Variants in COPE observed in about 807,000 individuals in gnomAD.
The protein encoded by COPE is coat protein complex I subunit epsilon, also known as coatomer subunit epsilon.
COPE carries 19 observed loss-of-function variants against 42.1 expected under a neutral mutation model. The observed-to-expected ratio is 0.45, with a 90% CI of 0.31 to 0.66. COPE has a LOEUF of 0.66. COPE is among the 30% of genes least tolerant of loss of function. The probability of loss-of-function intolerance (pLI) is 0.05; values close to 1 mark genes in which losing one functional copy is unlikely to be tolerated. For synonymous variants in COPE, 195 were observed against 181.3 expected (o/e 1.08, Z -0.60); for missense variants, 402 against 416.1 (o/e 0.97, Z 0.30).
chr19:18,908,556 G>A (rs1156283772), intron 3 of COPE, among the ~76,000 whole-genome samples: 2 of 140,966 alleles, frequency 1.4e-5, no homozygotes, highest in Non-Finnish European at 3.0e-5. Context: ...TCGCACTTTC[G>A]CCCAGGCTGG....
intron 7 of COPE, among the ~76,000 whole-genome samples, chr19:18,902,797 G>A (rs375412052): frequency 1.0e-4 from 3 of 29,106 alleles, no homozygotes; most frequent in African/African-American, 2.8e-4. Flanking sequence ...AGGAAGGAAG[G>A]AAGGAAGGAA....
chr19:18,905,417 A>G (rs974846692), intron 5 of COPE, among the ~76,000 whole-genome samples, 159 bp downstream of exon 5: 1 of 152,090 alleles, frequency 6.6e-6, no homozygotes, highest in Admixed American at 6.5e-5. Context: ...CCCTGGCAAC[A>G]TACTGCAGGG....
chr19:18,912,764 A>C (rs117605534), intron 2 of COPE, among the ~76,000 whole-genome samples: 1 of 149,606 alleles, frequency 6.7e-6, no homozygotes, highest in Non-Finnish European at 1.5e-5. Flanking sequence ...AAAATCAAGA[A>C]GCTGTGACCC....
At chr19:18,918,519 A>T (rs1425306429) in intron 1 of COPE, among the ~76,000 whole-genome samples, 1 of 151,920 alleles carries the variant, frequency 6.6e-6, no homozygotes. Flanking sequence ...GTTCACTGCA[A>T]CCTCGGCCTC....
chr19:18,899,597 G>T lies in COPE; in HGVS notation c.*82C>A. On this transcript the variant is annotated 3_prime_UTR_variant, in exon 10 of 10. Coordinates refer to ENST00000262812, the MANE Select transcript of COPE (RefSeq NM_007263.4). ...GCTCCTGCCCCCAGAGGGGATGCAG[G>T]TGGATGCCGGGTGGGGAGGGCTGCA... 1 of 1,496,150 alleles carries T rather than the reference G, an allele frequency of 6.7e-7. No homozygotes were observed. Among genetic ancestry groups the T allele is most frequent in the South Asian group, 1.1e-5 (1 of 87,902 alleles). The allele number at this position is 1,496,150 out of a possible 1,614,324, so 92.7% of individuals were successfully genotyped here.
intron 3 of COPE, among the ~76,000 whole-genome samples, chr19:18,910,396 G>A (rs1404942531): frequency 6.6e-6 from 1 of 152,164 alleles, no homozygotes; most frequent in Non-Finnish European, 1.5e-5. Context: ...GACCACCCTG[G>A]GCAACACGGT....
At chr19:18,911,183 T>G (rs1601228323) in intron 2 of COPE, 112 bp from the exon 3 acceptor site, 6 of 928,062 alleles carry the variant, frequency 6.5e-6, no homozygotes, top group Non-Finnish European at 5.3e-6. Flanking sequence ...CAGGGACCCC[T>G]CAGCCCAGCA....
intron 2 of COPE, among the ~76,000 whole-genome samples, chr19:18,912,461 G>GAA (rs57706060): frequency 2.3e-4 from 32 of 141,450 alleles, no homozygotes; most frequent in African/African-American, 4.3e-4. Flanking sequence ...ATTATTTTAG[G>GAA]AAAAAAAAAA....
At chr19:18,900,329 G>A in intron 8 of COPE, 52 bp downstream of exon 8, 1 of 1,439,018 alleles carries the variant, frequency 6.9e-7, no homozygotes, top group Non-Finnish European at 9.4e-7. Flanking sequence ...CCCAGGCTGG[G>A]GTCCCAGGGT....
chr19:18,915,305 G>A (rs1301288380), intron 1 of COPE, among the ~76,000 whole-genome samples: 1 of 152,236 alleles, frequency 6.6e-6, no homozygotes, highest in East Asian at 1.9e-4. Context: ...GGTGGCCTCA[G>A]CCGCCCCTGT....
At position 18,906,666 on chromosome 19, in the gene COPE, G is replaced by T. The variant is rs145138302; in HGVS notation, c.443+294C>A. Reference sequence around the variant, plus strand: ...AGGGCCGAGACACAGAAGGCTTCGTGGGGGGTGGGGACACAGAAACCGAGC... The same window carrying T: ...AGGGCCGAGACACAGAAGGCTTCGTTGGGGGTGGGGACACAGAAACCGAGC... On this transcript the variant is annotated intron_variant, in intron 4 of 9. Transcript: ENST00000262812. 27 of 300,920 alleles carry T rather than the reference G, an allele frequency of 9.0e-5. No individual in the cohort carries two copies. In the South Asian group the frequency reaches 1.4e-3, roughly 15 times the overall value. The allele number at this position is 300,920 out of a possible 1,614,324, so 18.6% of individuals were successfully genotyped here.
chr19:18,906,873 A>C (rs968258359), intron 4 of COPE, 87 bp downstream of exon 4: 1 of 1,412,860 alleles, frequency 7.1e-7, no homozygotes, highest in African/African-American at 1.4e-5. Flanking sequence ...TCCCATGACG[A>C]CAGCCAGCGA....
intron 6 of COPE, 80 bp from the exon 7 acceptor site, chr19:18,903,503 G>C: frequency 6.7e-6 from 10 of 1,484,476 alleles, no homozygotes; most frequent in Non-Finnish European, 9.1e-6. Flanking sequence ...CTAGCGGGGG[G>C]GACTCCAGCA....
rs764930411 is a variant in COPE at position 18,911,038 on chromosome 19, G to A, written c.223C>T (p.Pro75Ser). The change falls in exon 3 of 10, where the codon CCC becomes TCC. Residue 75 changes from proline to serine, a missense_variant. Physicochemically the swap from Pro to Ser is moderately conservative, Grantham distance 74. Coordinates refer to ENST00000262812, the MANE Select transcript of COPE (RefSeq NM_007263.4). ...KFGVVLDEIK[P>S]SSAPELQAVR... Reference sequence around the variant, plus strand: ...GCCTGGAGCTCAGGGGCCGAGGAGGGCTTGATCTCATCCAGGACCACACCG... The same window carrying A: ...GCCTGGAGCTCAGGGGCCGAGGAGGACTTGATCTCATCCAGGACCACACCG... 3.1e-6 allele frequency: 5 copies of A among 1,614,018 alleles called. No individual in the cohort carries two copies. The highest frequency in any genetic ancestry group is 3.3e-4 in the Middle Eastern group (2 of 6,062).
At chr19:18,913,646 C>T (rs903027128) in intron 1 of COPE, among the ~76,000 whole-genome samples, 9 of 152,202 alleles carry the variant, frequency 5.9e-5, no homozygotes, top group Non-Finnish European at 5.9e-5. Flanking sequence ...ATGCTGCCCC[C>T]GGAGGCTGGC....
chr19:18,919,065 A>T (rs2056886328), intron 1 of COPE, among the ~76,000 whole-genome samples, 158 bp downstream of exon 1: 1 of 152,280 alleles, frequency 6.6e-6, no homozygotes, highest in Admixed American at 6.5e-5. Context: ...GGGTTCTGTC[A>T]CGGGACAGTG....
At chr19:18,908,824 A>G (rs2056784490) in intron 3 of COPE, among the ~76,000 whole-genome samples, 1 of 151,756 alleles carries the variant, frequency 6.6e-6, no homozygotes, top group African/African-American at 2.4e-5. Context: ...GCCAGGCAAA[A>G]CCCCATCTCT....
chr19:18,913,158 A>T (rs2145078838), intron 1 of COPE, 112 bp from the exon 2 acceptor site: 1 of 925,234 alleles, frequency 1.1e-6, no homozygotes, highest in East Asian at 2.5e-5. Flanking sequence ...CTTCTCCGGC[A>T]GGGTTGGAGG....
Position 18,899,909 on chromosome 19 carries a change from G to A in COPE, c.843C>T (p.His281=). The A allele has an allele frequency of 2.5e-6, 4 of 1,613,664 alleles. No individual in the cohort carries two copies. Among genetic ancestry groups the A allele is most frequent in the African/African-American group, 1.3e-5 (1 of 75,048 alleles). The change falls in exon 9 of 10, where the codon CAC becomes CAT. Residue 281 remains histidine, a synonymous_variant. Coordinates refer to ENST00000262812, the MANE Select transcript of COPE (RefSeq NM_007263.4). ...ACTCCTTGATGAAGGGATGGGACCT[G>A]TGGGCATCCTTCAGCTGGGACAGGT... ...NRYLSQLKDA[H]RSHPFIKEYQ... is the part of the protein sequence containing the mutation.
Sources: gnomAD v4.1 joint callset for allele counts (sites outside exome capture counted in the v4.1 genomes callset) on GRCh38, gnomAD v4.1.1 for gene constraint, MANE v1.5 for transcripts, NCBI Gene and HGNC (gene_info 2026-07-23, HGNC 2026-07-21) for gene names.